The following CDH18 variants were observed in gnomAD, a reference collection of about 807,000 sequenced individuals.
The protein encoded by CDH18 is cadherin 18, also known as cadherin-18.
In CDH18, 31 loss-of-function variants were observed where a neutral mutation model predicts 67.9. The ratio of observed to expected loss-of-function variants is 0.46; its 90% CI spans 0.34 to 0.62. The LOEUF (loss-of-function observed/expected upper bound fraction) is 0.62. Among genes scored for constraint, CDH18 ranks in the 20% least tolerant of loss-of-function variants. CDH18 has a pLI of 0.01. For missense variants in CDH18, 890 were observed against 975.5 expected (o/e 0.91, Z 1.17); for synonymous variants, 362 against 347.2 (o/e 1.04, Z -0.48).
chr5:19,746,352 T>G (rs573157034), intron 4 of CDH18, among the ~76,000 whole-genome samples: 132 of 152,298 alleles, frequency 8.7e-4, no homozygotes, highest in African/African-American at 2.6e-3. Flanking sequence ...AAAAGTGACT[T>G]AAATACTTTA....
At chr5:20,550,831 C>G (rs1757593688) in intron 1 of CDH18, among the ~76,000 whole-genome samples, 1 of 152,054 alleles carries the variant, frequency 6.6e-6, no homozygotes, top group South Asian at 2.1e-4. Flanking sequence ...AAGCCTGGTG[C>G]CAGCATCTGC....
In CDH18 at chr5:20,539,773, CA is replaced by C. The variant is rs1561110046; in HGVS notation, c.-580+35688del. Among the ~76,000 whole-genome samples, 422 of 151,802 alleles carry C rather than the reference CA, an allele frequency of 2.8e-3. 1 individual carries two copies. The highest frequency in any genetic ancestry group is 9.8e-3 in the African/African-American group (404 of 41,412). ...ACACACACAAACACACACACACACA[CA>C]CACACACCCTCCCTAGAAAAGAATA... On this transcript the variant is annotated intron_variant, in intron 1 of 14. Coordinates refer to the CDH18 transcript ENST00000507958.
chr5:19,932,616 A>T (rs1579661951), intron 2 of CDH18, among the ~76,000 whole-genome samples: 1 of 151,760 alleles, frequency 6.6e-6, no homozygotes, highest in East Asian at 1.9e-4. Flanking sequence ...CACCTTCTCC[A>T]ATCTTTGCAG....
At chr5:20,131,484 T>G (rs1350456342) in intron 2 of CDH18, among the ~76,000 whole-genome samples, 1 of 152,114 alleles carries the variant, frequency 6.6e-6, no homozygotes, top group Non-Finnish European at 1.5e-5. Flanking sequence ...TACGTATTTA[T>G]TCAATAAAAT....
chr5:20,230,915 AG>A (rs565527210), intron 2 of CDH18, among the ~76,000 whole-genome samples: 110 of 152,312 alleles, frequency 7.2e-4, no homozygotes, highest in South Asian at 2.3e-3. Flanking sequence ...ATACACAGAG[AG>A]GGAAAAAAGA....
At chr5:19,786,581 A>G (rs1775796457) in intron 3 of CDH18, among the ~76,000 whole-genome samples, 1 of 152,210 alleles carries the variant, frequency 6.6e-6, no homozygotes, top group Non-Finnish European at 1.5e-5. Context: ...CTAAAAGATA[A>G]AAATAATATC....
chr5:20,372,429 A>C (rs1484991067), intron 1 of CDH18, among the ~76,000 whole-genome samples: 1 of 152,122 alleles, frequency 6.6e-6, no homozygotes, highest in Non-Finnish European at 1.5e-5. Context: ...ACTACTTAAT[A>C]CTAGATCTTA....
intron 3 of CDH18, among the ~76,000 whole-genome samples, chr5:19,796,126 T>C (rs911324379): frequency 2.6e-5 from 4 of 151,868 alleles, no homozygotes; most frequent in South Asian, 2.1e-4. Flanking sequence ...TGGGATAAAA[T>C]GGAAAAATGA....
At chr5:19,984,300 T>C (rs1579947381) in intron 1 of CDH18, among the ~76,000 whole-genome samples, 1 of 152,230 alleles carries the variant, frequency 6.6e-6, no homozygotes, top group East Asian at 1.9e-4. Flanking sequence ...GCATTAATAA[T>C]GGTTACTGTT....
At chr5:19,901,659 A>T (rs1407203393) in intron 2 of CDH18, among the ~76,000 whole-genome samples, 3 of 152,072 alleles carry the variant, frequency 2.0e-5, no homozygotes, top group Non-Finnish European at 2.9e-5. Context: ...TGAACCATAA[A>T]GTTGGAATAT....
intron 1 of CDH18, among the ~76,000 whole-genome samples, chr5:20,482,041 G>A (rs1182530453): frequency 1.3e-5 from 2 of 151,592 alleles, no homozygotes; most frequent in African/African-American, 4.8e-5. Flanking sequence ...AAATCAATAA[G>A]CCTTTAACCA....
chr5:19,595,251 T>C (rs574725582), intron 6 of CDH18, among the ~76,000 whole-genome samples: 1 of 152,238 alleles, frequency 6.6e-6, no homozygotes, highest in African/African-American at 2.4e-5. Context: ...CACTGAAAAT[T>C]ATAAAACATG....
At chr5:19,712,479 T>C (rs1325561823) in intron 5 of CDH18, among the ~76,000 whole-genome samples, 2 of 151,934 alleles carry the variant, frequency 1.3e-5, no homozygotes, top group African/African-American at 4.8e-5. Context: ...GTAAAAATGT[T>C]ACTCAAAGAT....
intron 6 of CDH18, among the ~76,000 whole-genome samples, chr5:19,593,004 CT>C (rs910706973): frequency 3.3e-5 from 5 of 151,932 alleles, no homozygotes; most frequent in African/African-American, 1.2e-4. Flanking sequence ...TGCAAGATCT[CT>C]TTTTTTAAGG....
chr5:20,493,356 T>TAAAAAAAAAAAAAAAAAA (rs148292031), intron 1 of CDH18, among the ~76,000 whole-genome samples: 4 of 47,194 alleles, frequency 8.5e-5, no homozygotes, highest in Non-Finnish European at 1.0e-4. Context: ...TTCAGAAAAT[T>TAAAAAAAAAAAAAAAAAA]AAAAAAAAAA....
chr5:20,022,241 A>G (rs1200329602), intron 2 of CDH18, among the ~76,000 whole-genome samples: 1 of 152,218 alleles, frequency 6.6e-6, no homozygotes, highest in Non-Finnish European at 1.5e-5. Flanking sequence ...GTACTATAAT[A>G]CAGGTACTTC....
chr5:20,148,386 C>T (rs1417003396), intron 2 of CDH18, among the ~76,000 whole-genome samples: 3 of 152,084 alleles, frequency 2.0e-5, no homozygotes, highest in South Asian at 4.1e-4. Flanking sequence ...CGTGAGCCAC[C>T]GTGCCTGGCC....
chr5:19,643,776 C>T (rs915822917), intron 5 of CDH18, among the ~76,000 whole-genome samples: 14 of 152,010 alleles, frequency 9.2e-5, no homozygotes, highest in Admixed American at 2.0e-4. Flanking sequence ...AACAATGTGA[C>T]TATAGCTAAA....
At chr5:19,668,413 C>T (rs557438498) in intron 5 of CDH18, among the ~76,000 whole-genome samples, 4 of 151,872 alleles carry the variant, frequency 2.6e-5, no homozygotes, top group East Asian at 1.9e-4. Flanking sequence ...AATAAACATC[C>T]GCTTATATTA....
Sources: gnomAD v4.1 joint callset for allele counts (sites outside exome capture counted in the v4.1 genomes callset) on GRCh38, gnomAD v4.1.1 for gene constraint, MANE v1.5 for transcripts, NCBI Gene and HGNC (gene_info 2026-07-23, HGNC 2026-07-21) for gene names.